COL23A1: variants seen among roughly 807,000 people sequenced by gnomAD.
The protein encoded by COL23A1 is collagen alpha-1(XXIII) chain.
In COL23A1, 97 loss-of-function variants were observed where a neutral mutation model predicts 99.3. The ratio of observed to expected loss-of-function variants is 0.98; its 90% CI spans 0.83 to 1.16. COL23A1 has a LOEUF of 1.16. Among genes scored for constraint, COL23A1 ranks in the 50% most tolerant of loss-of-function variants. The pLI, the probability that COL23A1 is intolerant of heterozygous loss-of-function variation, is 0.00. For synonymous variants in COL23A1, 320 were observed against 308.2 expected (o/e 1.04, Z -0.40); for missense variants, 762 against 757.4 (o/e 1.01, Z -0.07).
chr5:178,276,175 C>T (rs1756575685), intron 5 of COL23A1, among the ~76,000 whole-genome samples: 1 of 152,204 alleles, frequency 6.6e-6, no homozygotes, highest in Admixed American at 6.5e-5. Flanking sequence ...GCTCTTCTTG[C>T]TCTATGTTAG....
chr5:178,466,539 G>A (rs1466920165), intron 2 of COL23A1, among the ~76,000 whole-genome samples: 2 of 152,160 alleles, frequency 1.3e-5, no homozygotes, highest in Non-Finnish European at 2.9e-5. Context: ...GGAACAGGAT[G>A]TGAGGCAGCA....
intron 2 of COL23A1, among the ~76,000 whole-genome samples, chr5:178,321,190 CGGCATCAAGCACA>C (rs1222768135): frequency 6.6e-6 from 1 of 152,204 alleles, no homozygotes; most frequent in Non-Finnish European, 1.5e-5. Context: ...GACGGTTGAG[CGGCATCAAGCACA>C]GTCACGCTGT....
At chr5:178,372,764 C>T (rs1458524297) in intron 2 of COL23A1, among the ~76,000 whole-genome samples, 3 of 152,058 alleles carry the variant, frequency 2.0e-5, no homozygotes, top group Non-Finnish European at 4.4e-5. Context: ...TTAGTAGAGA[C>T]AGGGTTTCGC....
At chr5:178,249,028 C>T in intron 19 of COL23A1, 89 bp downstream of exon 19, 1 of 1,361,540 alleles carries the variant, frequency 7.3e-7, no homozygotes, top group South Asian at 1.2e-5. Context: ...CAGGGTCACG[C>T]CCTGGCCTCC....
intron 2 of COL23A1, among the ~76,000 whole-genome samples, chr5:178,454,414 C>T (rs1016280481): frequency 6.6e-6 from 1 of 152,214 alleles, no homozygotes; most frequent in Non-Finnish European, 1.5e-5. Context: ...CAGCTAAAAA[C>T]ATGCCTCCAG....
intron 2 of COL23A1, among the ~76,000 whole-genome samples, chr5:178,385,406 C>A (rs1763619323): frequency 6.6e-6 from 1 of 152,176 alleles, no homozygotes; most frequent in Non-Finnish European, 1.5e-5. Flanking sequence ...AAGCAAATGG[C>A]CAAAAATGGA....
chr5:178,572,819 C>T (rs1763173644), intron 1 of COL23A1, among the ~76,000 whole-genome samples: 1 of 152,116 alleles, frequency 6.6e-6, no homozygotes, highest in Admixed American at 6.5e-5. Context: ...TGTGGTATAT[C>T]CATATAGTGA....
At position 178,263,239 on chromosome 5, in the gene COL23A1, T is replaced by C; in HGVS notation, c.608A>G (p.Lys203Arg). The C allele has an allele frequency of 9.3e-6, 15 of 1,613,700 alleles. No individual in the cohort carries two copies. Among genetic ancestry groups the C allele is most frequent in the Admixed American group, 1.7e-5 (1 of 60,010 alleles). ...GARGPPGDTGKDGPRGAQGPA... is the reference protein window; with the variant it reads ...GARGPPGDTGRDGPRGAQGPA... ...GCCTTGTGCTCCCCTGGGGCCATCTTTCCCAGTGTCGCCAGGAGGGCCCCG... is the reference window on the plus strand; with the variant it reads ...GCCTTGTGCTCCCCTGGGGCCATCTCTCCCAGTGTCGCCAGGAGGGCCCCG... The change falls in exon 9 of 29, where the codon AAA becomes AGA. Residue 203 changes from lysine (K) to arginine (R), a missense_variant. By Grantham distance (26) the Lys-to-Arg change is conservative. Transcript: ENST00000390654.
Position 178,366,064 on chromosome 5 carries a change from G to C in COL23A1, c.362-59145C>G, listed in dbSNP as rs1762459182. On this transcript the variant is annotated intron_variant, in intron 2 of 28. Coordinates refer to ENST00000390654, the MANE Select transcript of COL23A1 (RefSeq NM_173465.4). The surrounding 1 kb of genome is among the most constrained non-coding windows in gnomAD (Gnocchi z 4.4). ...TCAGATGACGCCCCCAGTGCCAGGT[G>C]ATCATCTGCCGCTGTGTCCTCAGCA... Among the ~76,000 whole-genome samples the C allele has an allele frequency of 6.6e-6, 1 of 152,176 alleles. No homozygotes were observed. The highest frequency in any genetic ancestry group is 2.4e-5 in the African/African-American group (1 of 41,438).
rs1222528045 is a variant in COL23A1, at chr5:178,583,210, T to C, written c.294+6694A>G. ...CTACCGATAAACCCAAATTTATCAA[T>C]GTACATAAACCCCTAGAGAACAAGC... On this transcript the variant is annotated intron_variant, in intron 1 of 28. Coordinates refer to ENST00000390654, the MANE Select transcript of COL23A1 (RefSeq NM_173465.4). Among the ~76,000 whole-genome samples, 3 of 152,226 alleles carry C rather than the reference T, an allele frequency of 2.0e-5. No individual in the cohort carries two copies. In the East Asian group the frequency reaches 5.8e-4, roughly 29 times the overall value.
intron 2 of COL23A1, among the ~76,000 whole-genome samples, chr5:178,498,805 A>G (rs2127982038): frequency 6.6e-6 from 1 of 152,226 alleles, no homozygotes; most frequent in Non-Finnish European, 1.5e-5. Context: ...AAAAGCAAAA[A>G]GTGGCTGGGC....
intron 2 of COL23A1, among the ~76,000 whole-genome samples, chr5:178,446,355 G>T (rs1429140021): frequency 6.6e-6 from 1 of 151,464 alleles, no homozygotes; most frequent in Non-Finnish European, 1.5e-5. Flanking sequence ...ACAGAAAAAG[G>T]AAAGAAAGAA....
rs1379072445 is a variant in COL23A1 at position 178,346,080 on chromosome 5, T to C, written c.362-39161A>G. 2.6e-5 allele frequency among the ~76,000 whole-genome samples: 4 copies of C among 152,088 alleles called. No individual in the cohort carries two copies. In the East Asian group the frequency reaches 7.7e-4, roughly 29 times the overall value. ...TATCTATAAAATAAACATAAAAGCATGTTGTATATTACTGACCATTCTAGA... is the reference window on the plus strand; with the variant it reads ...TATCTATAAAATAAACATAAAAGCACGTTGTATATTACTGACCATTCTAGA... On this transcript the variant is annotated intron_variant, in intron 2 of 28. Transcript: ENST00000390654.
chr5:178,393,696 C>T (rs1023679744), intron 2 of COL23A1, among the ~76,000 whole-genome samples: 21 of 149,854 alleles, frequency 1.4e-4, no homozygotes, highest in Admixed American at 6.0e-4. Context: ...GTCACCCAGG[C>T]GCAATCTCTG....
chr5:178,558,084 T>C (rs2113539563), intron 2 of COL23A1, among the ~76,000 whole-genome samples: 1 of 151,214 alleles, frequency 6.6e-6, no homozygotes, highest in African/African-American at 2.4e-5. Context: ...CAAGCCTTCC[T>C]CTCGGTGGGA....
Position 178,242,401 on chromosome 5 carries a change from A to G in COL23A1, c.1441-7T>C. On this transcript the variant is annotated splice_polypyrimidine_tract_variant and splice_region_variant and intron_variant, in intron 25 of 28. Coordinates refer to ENST00000390654, the MANE Select transcript of COL23A1 (RefSeq NM_173465.4). The stretch of plus-strand genomic sequence containing the variant: ...CTCGGGGTCCAGGGAAACCCTGACA[A>G]AAGGATTAGATGCTAAACCCGAAAA... 6.2e-7 allele frequency: 1 copy of G among 1,614,014 alleles called. No individual in the cohort carries two copies. The highest frequency in any genetic ancestry group is 8.5e-7 in the Non-Finnish European group (1 of 1,179,984).
chr5:178,443,340 G>A (rs1171176613), intron 2 of COL23A1, among the ~76,000 whole-genome samples: 4 of 152,164 alleles, frequency 2.6e-5, no homozygotes, highest in African/African-American at 9.7e-5. Flanking sequence ...GACACACAAA[G>A]GCCAAATGTC....
intron 2 of COL23A1, among the ~76,000 whole-genome samples, chr5:178,416,915 C>A (rs1194650587): frequency 6.6e-6 from 1 of 152,124 alleles, no homozygotes; most frequent in Non-Finnish European, 1.5e-5. Flanking sequence ...CGGTTCAGGC[C>A]CATCACAACC....
At chr5:178,571,525 C>T (rs1404567354) in intron 1 of COL23A1, among the ~76,000 whole-genome samples, 2 of 152,150 alleles carry the variant, frequency 1.3e-5, no homozygotes, top group Non-Finnish European at 2.9e-5. Flanking sequence ...CAAACTATTT[C>T]CAGCCCAGGA....
Sources: allele counts gnomAD v4.1 joint callset (sites outside exome capture counted in the v4.1 genomes callset), GRCh38; gene constraint gnomAD v4.1.1; non-coding constraint Gnocchi (gnomAD v3.1); transcripts MANE v1.5; gene names NCBI Gene and HGNC (gene_info 2026-07-23, HGNC 2026-07-21).